The following PBRM1 variants were observed in gnomAD, a reference collection of about 807,000 sequenced individuals.
The protein encoded by PBRM1 is polybromo 1, also known as protein polybromo-1.
In PBRM1, 27 loss-of-function variants were observed where a neutral mutation model predicts 194.5. The ratio of observed to expected loss-of-function variants is 0.14; its 90% CI spans 0.10 to 0.19. PBRM1 has a LOEUF of 0.19. Ranked by LOEUF, PBRM1 falls within the 10% of genes least tolerant of loss-of-function variation. PBRM1 has a pLI of 1.00. For missense variants in PBRM1, 1,466 were observed against 2,077.2 expected (o/e 0.71, Z 5.72); for synonymous variants, 655 against 693.2 (o/e 0.94, Z 0.87).
chr3:52,611,373 G>A lies in PBRM1; in HGVS notation c.1925-1418C>T, dbSNP rs76345640. On this transcript the variant is annotated intron_variant, in intron 15 of 29. Transcript: ENST00000296302. ...TAAATAGATTTCACATGTACCTGAT[G>A]GAAGACCATATATTACCTATGAAGT... 3.1e-3 allele frequency among the ~76,000 whole-genome samples: 473 copies of A among 152,286 alleles called. 24 individuals are homozygous for A. In the East Asian group the frequency reaches 0.064, roughly 21 times the overall value.
chr3:52,667,396 A>G (rs926179318), intron 3 of PBRM1, among the ~76,000 whole-genome samples: 7 of 151,678 alleles, frequency 4.6e-5, no homozygotes, highest in African/African-American at 1.7e-4. Context: ...ACAAAATCAA[A>G]TAAAAAAAAT....
intron 18 of PBRM1, among the ~76,000 whole-genome samples, chr3:52,588,738 A>C (rs1403520927): frequency 6.6e-6 from 1 of 151,712 alleles, no homozygotes; most frequent in Non-Finnish European, 1.5e-5. Context: ...GTATCTTTTT[A>C]GTAGAGACAG....
At chr3:52,643,698 G>A (rs914318769) in intron 8 of PBRM1, among the ~76,000 whole-genome samples, 1 of 152,156 alleles carries the variant, frequency 6.6e-6, no homozygotes, top group Non-Finnish European at 1.5e-5. Flanking sequence ...CTGGCCGGGC[G>A]CAGTGGCTCA....
intron 20 of PBRM1, among the ~76,000 whole-genome samples, chr3:52,584,895 G>T (rs1187643765): frequency 6.6e-6 from 1 of 151,844 alleles, no homozygotes; most frequent in Non-Finnish European, 1.5e-5. Context: ...TGTTTTATAG[G>T]CTTCAGGCTT....
intron 3 of PBRM1, among the ~76,000 whole-genome samples, chr3:52,665,974 T>TTA (rs1464435317): frequency 6.6e-6 from 1 of 152,162 alleles, no homozygotes; most frequent in Non-Finnish European, 1.5e-5. Context: ...AATAAGTTAA[T>TTA]TATGCATATT....
chr3:52,642,064 C>T lies in PBRM1; in HGVS notation c.996-19G>A, dbSNP rs1488041458. ...TTTATTACTACAAAAAAAAAAAAAG[C>T]AATTAGACAGGGAAGGATGTTATAA... On this transcript the variant is annotated intron_variant, in intron 9 of 29. Transcript: ENST00000296302. 9.2e-7 allele frequency: 1 copy of T among 1,083,580 alleles called. No homozygotes were observed. 67.1% of individuals were successfully genotyped at this position (1,083,580 alleles called of 1,614,324 possible). A position where few individuals can be genotyped will look rare whatever the true frequency, so the allele number is the denominator to read the frequency against.
At chr3:52,588,771 T>A (rs2092718671) in intron 18 of PBRM1, among the ~76,000 whole-genome samples, 1 of 152,058 alleles carries the variant, frequency 6.6e-6, no homozygotes. Context: ...TTAGCCAGGA[T>A]GGTCTCGATT....
chr3:52,639,089 ATTC>A (rs2095959196), intron 10 of PBRM1, among the ~76,000 whole-genome samples: 1 of 151,622 alleles, frequency 6.6e-6, no homozygotes, highest in Non-Finnish European at 1.5e-5. Context: ...GGTTCAAGCA[ATTC>A]TTCTGCCTCA....
chr3:52,676,572 G>A lies in PBRM1; in HGVS notation c.236+1928C>T, dbSNP rs537574660. On this transcript the variant is annotated intron_variant, in intron 2 of 29. Coordinates refer to ENST00000296302, the Ensembl canonical transcript of PBRM1. ...TAAACCTCTTTTTCTTCCCAGTCTCGGGTATGTCTTTATCAGCAGTGTGAA... is the reference window on the plus strand; with the variant it reads ...TAAACCTCTTTTTCTTCCCAGTCTCAGGTATGTCTTTATCAGCAGTGTGAA... 4.6e-5 allele frequency among the ~76,000 whole-genome samples: 7 copies of A among 152,230 alleles called. No homozygotes were observed. The South Asian group carries it at 1.2e-3, about 27-fold the overall frequency.
In PBRM1 at chr3:52,610,087, T is replaced by C. The variant is rs1576661036; in HGVS notation, c.1925-132A>G. 7.5e-6 allele frequency: 4 copies of C among 532,440 alleles called. No individual in the cohort carries two copies. In the East Asian group the frequency reaches 1.3e-4, roughly 17 times the overall value. 33.0% of individuals were successfully genotyped at this position (532,440 alleles called of 1,614,324 possible). ...AGCAATTAGCATGTCTATAGTGAAA[T>C]ATAACCTGCAGACAAAAAAGTACTA... On this transcript the variant is annotated intron_variant, in intron 15 of 29. Transcript: ENST00000296302.
At chr3:52,586,121 A>G in intron 20 of PBRM1, 1 of 193,880 alleles carries the variant, frequency 5.2e-6, no homozygotes, top group South Asian at 1.1e-4. Context: ...TTTTTAGTAG[A>G]GATGAGGTTT....
At chr3:52,624,271 G>GT (rs1307957746) in intron 13 of PBRM1, among the ~76,000 whole-genome samples, 1 of 152,180 alleles carries the variant, frequency 6.6e-6, no homozygotes, top group African/African-American at 2.4e-5. Flanking sequence ...TTTATAAACT[G>GT]TAAGAGCAGA....
chr3:52,677,539 A>G (rs894873918), intron 2 of PBRM1, among the ~76,000 whole-genome samples: 29 of 151,582 alleles, frequency 1.9e-4, no homozygotes, highest in Admixed American at 1.5e-3. Flanking sequence ...CAGTCTCCCA[A>G]GTAGCTGGGA....
At chr3:52,604,276 G>A (rs1000944936) in intron 16 of PBRM1, among the ~76,000 whole-genome samples, 4 of 152,178 alleles carry the variant, frequency 2.6e-5, no homozygotes, top group Admixed American at 6.5e-5. Flanking sequence ...AGGCCTCAGA[G>A]TTAATGTTCA....
rs866799695 is a variant in PBRM1 at position 52,575,552 on chromosome 3, C to T, written c.3691+989G>A. Among the ~76,000 whole-genome samples, 7 of 111,710 alleles carry T rather than the reference C, an allele frequency of 6.3e-5. 1 individual carries two copies. The Middle Eastern group carries it at 0.028, about 452-fold the overall frequency. 73.3% of individuals were successfully genotyped at this position (111,710 alleles called of 152,430 possible). ...TTTTTTTGAGACAGTCTTGCTCTGT[C>T]ATCCAGGCTAGAGTGCAGTGGCGTG... On this transcript the variant is annotated intron_variant, in intron 22 of 29. Coordinates refer to ENST00000296302, the Ensembl canonical transcript of PBRM1.
upstream of PBRM1, among the ~76,000 whole-genome samples, chr3:52,683,798 A>G (rs1044689638): frequency 6.6e-6 from 1 of 152,130 alleles, no homozygotes; most frequent in African/African-American, 2.4e-5. Context: ...AGGCTGGGGG[A>G]CAGAGTAAGA....
intron 10 of PBRM1, among the ~76,000 whole-genome samples, chr3:52,639,651 T>C (rs960511538): frequency 2.0e-5 from 3 of 152,076 alleles, no homozygotes; most frequent in Non-Finnish European, 4.4e-5. Context: ...GAGGACTGCT[T>C]GAGCCCAGGA....
chr3:52,682,203 A>G (rs1009660622), upstream of PBRM1: 3 of 152,156 alleles, frequency 2.0e-5, no homozygotes, highest in Non-Finnish European at 4.4e-5. Context: ...TACATGTGGG[A>G]GGCTCACATG....
At chr3:52,548,721 C>A (rs371267260) in intron 29 of PBRM1, among the ~76,000 whole-genome samples, 1 of 151,822 alleles carries the variant, frequency 6.6e-6, no homozygotes. Flanking sequence ...CCACTGCACC[C>A]GGCCTGATCA....
Sources: allele counts gnomAD v4.1 joint callset (sites outside exome capture counted in the v4.1 genomes callset), GRCh38; gene constraint gnomAD v4.1.1; transcripts MANE v1.5; gene names NCBI Gene and HGNC (gene_info 2026-07-23, HGNC 2026-07-21).